CDCP1: variants seen among roughly 807,000 people sequenced by gnomAD.
CDCP1 encodes the protein CUB domain containing protein 1.
A neutral mutation model predicts 60.2 loss-of-function variants in CDCP1; 29 were observed. The ratio of observed to expected loss-of-function variants is 0.48; its 90% CI spans 0.36 to 0.66. The LOEUF is 0.66. Among genes scored for constraint, CDCP1 ranks in the 30% least tolerant of loss-of-function variants. CDCP1 has a pLI of 0.00. For synonymous variants in CDCP1, 387 were observed against 431.1 expected (o/e 0.90, Z 1.27); for missense variants, 876 against 1,074.3 (o/e 0.82, Z 2.58).
chr3:45,135,473 A>C (rs1289691640), intron 1 of CDCP1, among the ~76,000 whole-genome samples: 1 of 152,298 alleles, frequency 6.6e-6, no homozygotes, highest in South Asian at 2.1e-4. Context: ...TGGAGTAATC[A>C]AGAATTTAAT....
At position 45,112,298 on chromosome 3, in the gene CDCP1, C is replaced by G. The variant is rs777804665; in HGVS notation, c.440G>C (p.Arg147Thr). 6.2e-7 allele frequency: 1 copy of G among 1,614,216 alleles called. No homozygotes were observed. The highest frequency in any genetic ancestry group is 1.1e-5 in the South Asian group (1 of 91,078). The change falls in exon 3 of 9, where the codon AGG (arginine) becomes ACG (threonine). Residue 147 changes from arginine (R) to threonine (T), a missense_variant. Physicochemically the swap from Arg to Thr is moderately conservative, Grantham distance 71 (BLOSUM62 -1). Transcript: ENST00000296129. ...GCAGCTCTCACCCGGACCGATCTGC[C>G]TCAGGCGAGGGATGGAAAACTGCAG... ...LELQFSIPRL[R>T]QIGPGESCPD... is the part of the protein sequence containing the mutation.
intron 1 of CDCP1, among the ~76,000 whole-genome samples, chr3:45,145,243 C>G (rs1699357774): frequency 6.6e-6 from 1 of 152,196 alleles, no homozygotes; most frequent in Non-Finnish European, 1.5e-5. Context: ...ACAAATCCAC[C>G]CTAGATGCAG....
intron 4 of CDCP1, among the ~76,000 whole-genome samples, chr3:45,101,478 C>G (rs73089324): frequency 1.3e-5 from 2 of 152,126 alleles, no homozygotes; most frequent in Non-Finnish European, 2.9e-5. Context: ...GGCCCTGGGA[C>G]TGGCTTCATG....
At chr3:45,097,346 A>G (rs1698418948) in intron 4 of CDCP1, among the ~76,000 whole-genome samples, 1 of 152,014 alleles carries the variant, frequency 6.6e-6, no homozygotes, top group African/African-American at 2.4e-5. Context: ...AAAAGAAAAA[A>G]AGAATAGGGA....
intron 4 of CDCP1, chr3:45,110,128 C>T: frequency 1.0e-6 from 1 of 976,612 alleles, no homozygotes; most frequent in Non-Finnish European, 1.3e-6. Context: ...CTGTAAGTTC[C>T]CATCATCATC....
At chr3:45,104,604 G>A (rs977957230) in intron 4 of CDCP1, among the ~76,000 whole-genome samples, 3 of 152,314 alleles carry the variant, frequency 2.0e-5, no homozygotes, top group Admixed American at 6.5e-5. Context: ...AACATGGGGG[G>A]AAGGAGGAAT....
intron 7 of CDCP1, 32 bp from the exon 8 acceptor site, chr3:45,089,173 G>C (rs1446186293): frequency 3.8e-6 from 6 of 1,579,014 alleles, no homozygotes; most frequent in African/African-American, 1.3e-5. Context: ...GACAGATGAA[G>C]AGGCAGCTGG....
At chr3:45,130,897 C>T (rs1411320534) in intron 1 of CDCP1, among the ~76,000 whole-genome samples, 1 of 151,862 alleles carries the variant, frequency 6.6e-6, no homozygotes, top group Non-Finnish European at 1.5e-5. Context: ...GACAGGGTCT[C>T]GTTTTGTTGC....
intron 1 of CDCP1, among the ~76,000 whole-genome samples, chr3:45,128,621 A>C (rs538478012): frequency 6.6e-6 from 1 of 152,258 alleles, no homozygotes; most frequent in Non-Finnish European, 1.5e-5. Flanking sequence ...CAGTTTATCA[A>C]CACGGGACTG....
At chr3:45,093,996 C>G (rs4682767) in intron 5 of CDCP1, among the ~76,000 whole-genome samples, 60,612 of 151,928 alleles carry the variant, frequency 0.4, 14,005 homozygotes, top group East Asian at 0.8. Context: ...AGGTTTCACT[C>G]CACCCAGACG....
At chr3:45,086,575 C>G (rs1039989224) in intron 8 of CDCP1, among the ~76,000 whole-genome samples, 3 of 152,208 alleles carry the variant, frequency 2.0e-5, no homozygotes, top group African/African-American at 7.2e-5. Flanking sequence ...ACAAGAGACT[C>G]AGGAGGCCAG....
chr3:45,091,521 C>A lies in CDCP1; in HGVS notation c.1645G>T (p.Val549Leu). ...ACCTTGCTTTTTGTGTCAGGGGTCA[C>A]CGTGAAAACGCCTTCCTCTGCAGGA... ...PYFKEEGVFT[V>L]TPDTKSKVYL... The change falls in exon 7 of 9, where the codon GTG becomes TTG. Residue 549 changes from valine to leucine, a missense_variant. Physicochemically the swap from Val to Leu is conservative, Grantham distance 32. Transcript: ENST00000296129. This position sits in a 1 kb window ranked among gnomAD's most constrained non-coding sequence, Gnocchi z 4.8. 2 of 1,603,054 alleles carry A rather than the reference C, an allele frequency of 1.2e-6. No individual in the cohort carries two copies. Among genetic ancestry groups the A allele is most frequent in the Non-Finnish European group, 1.7e-6 (2 of 1,175,036 alleles).
chr3:45,085,363 G>A lies in CDCP1; in HGVS notation c.*275C>T. 1 of 407,790 alleles carries A rather than the reference G, an allele frequency of 2.5e-6. No individual in the cohort carries two copies. 25.3% of individuals were successfully genotyped at this position (407,790 alleles called of 1,614,324 possible). ...TGCAACCCTATGCTAGGTGACTCAG[G>A]CCTCTCTCCTCTCATTACAGGCTGG... On this transcript the variant is annotated 3_prime_UTR_variant, in exon 9 of 9. Transcript: ENST00000296129. This position sits in a 1 kb window ranked among gnomAD's most constrained non-coding sequence, Gnocchi z 4.2.
At chr3:45,138,391 A>G (rs1246528074) in intron 1 of CDCP1, among the ~76,000 whole-genome samples, 1 of 151,934 alleles carries the variant, frequency 6.6e-6, no homozygotes, top group East Asian at 1.9e-4. Context: ...CCCACTAGAG[A>G]CCTGGTTATA....
chr3:45,141,251 A>T (rs1023380037), intron 1 of CDCP1, among the ~76,000 whole-genome samples: 1 of 152,192 alleles, frequency 6.6e-6, no homozygotes, highest in African/African-American at 2.4e-5. Flanking sequence ...AGTGTCAAAA[A>T]TGTCAACAAA....
intron 1 of CDCP1, among the ~76,000 whole-genome samples, chr3:45,137,389 T>C (rs1214225847): frequency 1.3e-5 from 2 of 152,120 alleles, no homozygotes; most frequent in African/African-American, 4.8e-5. Flanking sequence ...TGCCTGGAAC[T>C]TGAGTTGTAT....
chr3:45,142,974 G>A (rs780294322), intron 1 of CDCP1, among the ~76,000 whole-genome samples: 19 of 152,318 alleles, frequency 1.2e-4, no homozygotes, highest in Non-Finnish European at 1.3e-4. Context: ...AGGCCGAGGC[G>A]GGCAGATCAC....
chr3:45,093,212 A>G, intron 6 of CDCP1, 65 bp downstream of exon 6: 1 of 1,536,314 alleles, frequency 6.5e-7, no homozygotes, highest in Non-Finnish European at 8.7e-7. Flanking sequence ...TAAGGTGATC[A>G]CAAAACTAAA....
chr3:45,135,640 T>C (rs1369226800), intron 1 of CDCP1, among the ~76,000 whole-genome samples: 2 of 152,130 alleles, frequency 1.3e-5, no homozygotes, highest in East Asian at 3.8e-4. Flanking sequence ...AATATAAAAA[T>C]AAACATTGTG....
Sources: allele counts gnomAD v4.1 joint callset (sites outside exome capture counted in the v4.1 genomes callset), GRCh38; gene constraint gnomAD v4.1.1; non-coding constraint Gnocchi (gnomAD v3.1); transcripts MANE v1.5; gene names NCBI Gene and HGNC (gene_info 2026-07-23, HGNC 2026-07-21).